The following DNAJC1 variants were observed in gnomAD, a reference collection of about 807,000 sequenced individuals.
The protein encoded by DNAJC1 is DnaJ heat shock protein family (Hsp40) member C1.
DNAJC1 carries 58 observed loss-of-function variants against 76.6 expected under a neutral mutation model. That is an observed-to-expected ratio of 0.76 (90% confidence interval 0.61 to 0.94). The LOEUF is 0.94. DNAJC1 is among the 40% of genes least tolerant of loss of function. The pLI, the probability that DNAJC1 is intolerant of heterozygous loss-of-function variation, is 0.00. For synonymous variants in DNAJC1, 258 were observed against 267.9 expected (o/e 0.96, Z 0.36); for missense variants, 689 against 677.3 (o/e 1.02, Z -0.19).
At position 21,796,126 on chromosome 10, in the gene DNAJC1, T is replaced by C. The variant is rs189785940; in HGVS notation, c.1098+9854A>G. On this transcript the variant is annotated intron_variant, in intron 9 of 11. Coordinates refer to ENST00000376980, the MANE Select transcript of DNAJC1 (RefSeq NM_022365.4). ...CTAGGATTACAGGCATGCACCACCATACCCAGCTAATTTTTGTATTTTTAG... is the reference window on the plus strand; with the variant it reads ...CTAGGATTACAGGCATGCACCACCACACCCAGCTAATTTTTGTATTTTTAG... Among the ~76,000 whole-genome samples the C allele has an allele frequency of 3.9e-3, 592 of 151,860 alleles. 5 individuals carry two copies. The highest frequency in any genetic ancestry group is 0.014 in the African/African-American group (559 of 41,398).
At chr10:21,863,906 G>T (rs778401174) in intron 8 of DNAJC1, among the ~76,000 whole-genome samples, 12 of 152,100 alleles carry the variant, frequency 7.9e-5, no homozygotes, top group African/African-American at 1.2e-4. Flanking sequence ...TCAAGATCAA[G>T]AATAAGACAA....
At chr10:21,857,861 A>G (rs1045634718) in intron 8 of DNAJC1, among the ~76,000 whole-genome samples, 1 of 151,514 alleles carries the variant, frequency 6.6e-6, no homozygotes, top group African/African-American at 2.4e-5. Context: ...TCTCAAAAAA[A>G]CAAACAAACA....
intron 1 of DNAJC1, among the ~76,000 whole-genome samples, chr10:21,979,238 T>C (rs556106625): frequency 3.9e-5 from 6 of 152,200 alleles, no homozygotes; most frequent in Admixed American, 6.5e-5. Context: ...AGAACTTCTA[T>C]GGTTTCTACT....
intron 1 of DNAJC1, among the ~76,000 whole-genome samples, chr10:21,982,132 C>T (rs148601469): frequency 0.011 from 1,725 of 152,296 alleles, 18 homozygotes; most frequent in Middle Eastern, 0.027. Flanking sequence ...AAGCTTCATT[C>T]TGTAACGAAG....
chr10:21,763,095 T>C (rs542201712), intron 10 of DNAJC1, among the ~76,000 whole-genome samples: 1 of 152,210 alleles, frequency 6.6e-6, no homozygotes, highest in South Asian at 2.1e-4. Context: ...AACACCCAAC[T>C]AATTTTTGTA....
intron 1 of DNAJC1, among the ~76,000 whole-genome samples, chr10:21,995,393 C>T (rs1027919267): frequency 1.3e-5 from 2 of 152,188 alleles, no homozygotes; most frequent in African/African-American, 4.8e-5. Context: ...GTTTAAAATT[C>T]TATTTCCTTC....
chr10:21,778,039 A>C (rs1834475732), intron 9 of DNAJC1, among the ~76,000 whole-genome samples: 1 of 152,126 alleles, frequency 6.6e-6, no homozygotes, highest in Non-Finnish European at 1.5e-5. Flanking sequence ...AAATACAAAA[A>C]TTAGCTGGGT....
chr10:21,842,391 A>C (rs1303246661), intron 8 of DNAJC1, among the ~76,000 whole-genome samples: 2 of 152,204 alleles, frequency 1.3e-5, no homozygotes, highest in African/African-American at 2.4e-5. Flanking sequence ...GGAAGAGATG[A>C]AAACACAGAG....
At chr10:21,852,823 T>C (rs1025833410) in intron 8 of DNAJC1, among the ~76,000 whole-genome samples, 1 of 152,120 alleles carries the variant, frequency 6.6e-6, no homozygotes, top group African/African-American at 2.4e-5. Flanking sequence ...TTTGCTCTCC[T>C]AATAAAGATA....
At position 21,821,138 on chromosome 10, in the gene DNAJC1, C is replaced by T. The variant is rs191204212; in HGVS notation, c.979-15039G>A. Among the ~76,000 whole-genome samples, 342 of 152,274 alleles carry T rather than the reference C, an allele frequency of 2.2e-3. 3 individuals are homozygous for T. Among genetic ancestry groups the T allele is most frequent in the African/African-American group, 7.8e-3 (326 of 41,552 alleles). ...GCATTCCTTCCTCCAGAGTATGGGG[C>T]AAAACCTTCTCTGGAATGACGGTCT... On this transcript the variant is annotated intron_variant, in intron 8 of 11. Transcript: ENST00000376980.
intron 7 of DNAJC1, among the ~76,000 whole-genome samples, chr10:21,895,959 T>G (rs886718830): frequency 6.6e-6 from 1 of 152,084 alleles, no homozygotes; most frequent in Non-Finnish European, 1.5e-5. Flanking sequence ...AGGCCACCAC[T>G]TCAGGGGGCA....
At chr10:21,876,181 G>T (rs561159103) in intron 8 of DNAJC1, among the ~76,000 whole-genome samples, 25 of 150,282 alleles carry the variant, frequency 1.7e-4, no homozygotes, top group Non-Finnish European at 2.5e-4. Flanking sequence ...CATGATCTCT[G>T]CTCACTGCAA....
At chr10:21,852,925 T>G (rs1835779706) in intron 8 of DNAJC1, among the ~76,000 whole-genome samples, 2 of 152,166 alleles carry the variant, frequency 1.3e-5, no homozygotes, top group Admixed American at 1.3e-4. Flanking sequence ...ACTCCACCAT[T>G]TACTAGTTAG....
At chr10:21,845,020 G>C (rs189917625) in intron 8 of DNAJC1, among the ~76,000 whole-genome samples, 1 of 152,330 alleles carries the variant, frequency 6.6e-6, no homozygotes, top group African/African-American at 2.4e-5. Flanking sequence ...CTGGGTGACA[G>C]AGTATGAGAC....
intron 8 of DNAJC1, among the ~76,000 whole-genome samples, chr10:21,839,734 C>T (rs1835538932): frequency 6.6e-6 from 1 of 152,112 alleles, no homozygotes; most frequent in South Asian, 2.1e-4. Context: ...AGAGGGAATC[C>T]TCCCTAACTC....
intron 9 of DNAJC1, among the ~76,000 whole-genome samples, chr10:21,797,678 G>A (rs1011638463): frequency 6.6e-6 from 1 of 152,048 alleles, no homozygotes; most frequent in African/African-American, 2.4e-5. Context: ...GTGGGTTATT[G>A]CAGGAGTGAG....
chr10:21,767,376 T>G (rs1193108411), intron 9 of DNAJC1, among the ~76,000 whole-genome samples: 1 of 151,644 alleles, frequency 6.6e-6, no homozygotes, highest in African/African-American at 2.4e-5. Flanking sequence ...ACAATGTCTT[T>G]GAGATCTACA....
intron 8 of DNAJC1, among the ~76,000 whole-genome samples, chr10:21,810,403 G>A (rs1834945694): frequency 2.6e-5 from 4 of 152,130 alleles, no homozygotes; most frequent in Admixed American, 2.0e-4. Flanking sequence ...TCTTAGGGGA[G>A]TTATTGAACA....
chr10:21,918,376 T>TTG (rs1443832264), intron 6 of DNAJC1, among the ~76,000 whole-genome samples: 10 of 6,510 alleles, frequency 1.5e-3, no homozygotes, highest in African/African-American at 5.5e-3. Context: ...TCATGTAAAG[T>TTG]TTTTTTTTTT....
Sources: allele counts gnomAD v4.1 joint callset (sites outside exome capture counted in the v4.1 genomes callset), GRCh38; gene constraint gnomAD v4.1.1; transcripts MANE v1.5; gene names NCBI Gene and HGNC (gene_info 2026-07-23, HGNC 2026-07-21).